The following SP3 variants were observed in gnomAD, a reference collection of about 807,000 sequenced individuals.
The protein encoded by SP3 is transcription factor Sp3.
SP3 carries 10 observed loss-of-function variants against 70.3 expected under a neutral mutation model. The ratio of observed to expected loss-of-function variants is 0.14; its 90% CI spans 0.09 to 0.24. The LOEUF is 0.24. Ranked by LOEUF, SP3 falls within the 10% of genes least tolerant of loss-of-function variation. The probability of loss-of-function intolerance (pLI) is 1.00; values close to 1 mark genes in which losing one functional copy is unlikely to be tolerated. For missense variants in SP3, 825 were observed against 914.6 expected, an observed-to-expected ratio of 0.90 and a Z score of 1.26; for synonymous variants, 402 against 333.5, an observed-to-expected ratio of 1.21 and a Z score of -2.24.
chr2:173,945,074 A>G (rs2105486933), intron 4 of SP3, among the ~76,000 whole-genome samples: 1 of 152,370 alleles, frequency 6.6e-6, no homozygotes, highest in Middle Eastern at 3.4e-3. Flanking sequence ...AATGGTTATA[A>G]TATTTACTAA....
rs1691170948 is a variant in SP3 at position 173,963,857 on chromosome 2, C to A, written c.183G>T (p.Leu61=). 1 of 1,507,700 alleles carries A rather than the reference C, an allele frequency of 6.6e-7. No individual in the cohort carries two copies. Among genetic ancestry groups the A allele is most frequent in the Non-Finnish European group, 8.9e-7 (1 of 1,125,432 alleles). 93.4% of individuals were successfully genotyped at this position (1,507,700 alleles called of 1,614,324 possible). ...AQDTQPSPLA[L]LAATCSKIGP... ...CTATCTTGCTGCAGGTAGCGGCCAG[C>A]AGAGCGAGCGGTGACGGCTGAGTGT... The change falls in exon 3 of 7, where the codon CTG becomes CTT. Residue 61 remains leucine, a synonymous_variant. Coordinates refer to ENST00000310015, the MANE Select transcript of SP3 (RefSeq NM_003111.5).
chr2:173,942,331 C>T (rs1038050960), intron 4 of SP3, among the ~76,000 whole-genome samples: 4 of 152,114 alleles, frequency 2.6e-5, no homozygotes, highest in Non-Finnish European at 5.9e-5. Context: ...TTTGGGAGGC[C>T]GAGGCAGGTG....
chr2:173,951,470 CA>C (rs1311488658), intron 4 of SP3, among the ~76,000 whole-genome samples: 1 of 151,960 alleles, frequency 6.6e-6, no homozygotes, highest in Non-Finnish European at 1.5e-5. Context: ...TTCAAAACAA[CA>C]AAAAAAGTTT....
rs935136826 is a variant in SP3 at position 173,965,362 on chromosome 2, G to T, written c.-191C>A. On this transcript the variant is annotated 5_prime_UTR_variant, in exon 1 of 7. Transcript: ENST00000310015. Reference sequence around the variant, plus strand: ...GTGGAGCCTCCAGCCCAAAAGGGGGGAAGAGGGTGACAGCCCGCCCGGAAC... The same window carrying T: ...GTGGAGCCTCCAGCCCAAAAGGGGGTAAGAGGGTGACAGCCCGCCCGGAAC... The T allele has an allele frequency of 4.7e-6, 3 of 639,690 alleles. No homozygotes were observed. The highest frequency in any genetic ancestry group is 8.1e-6 in the Non-Finnish European group (3 of 372,552). The allele number at this position is 639,690 out of a possible 1,614,324, so 39.6% of individuals were successfully genotyped here. A position where few individuals can be genotyped will look rare whatever the true frequency, so the allele number is the denominator to read the frequency against.
chr2:173,920,827 G>C lies in SP3; in HGVS notation c.1640-2042C>G, dbSNP rs113716713. ...GCTGGTCTCGAACTCCTGACCTCAA[G>C]TGATCCACCCACCTCAGCCTCCCAA... On this transcript the variant is annotated intron_variant, in intron 4 of 6. Transcript: ENST00000310015. Among the ~76,000 whole-genome samples the C allele has an allele frequency of 1.1e-3, 168 of 152,126 alleles. 3 individuals are homozygous for C. The highest frequency in any genetic ancestry group is 3.9e-3 in the African/African-American group (160 of 41,480).
intron 3 of SP3, among the ~76,000 whole-genome samples, chr2:173,959,899 C>G (rs73030150): frequency 0.033 from 5,003 of 152,348 alleles, 143 homozygotes; most frequent in Admixed American, 0.1. Context: ...GTGTTTCTCT[C>G]AGTACCTTTC....
chr2:173,930,427 G>A (rs562859871), intron 4 of SP3, among the ~76,000 whole-genome samples: 4 of 152,220 alleles, frequency 2.6e-5, no homozygotes, highest in South Asian at 2.1e-4. Context: ...AAAAAAAGGT[G>A]CAGCAGTAAT....
At chr2:173,961,567 G>A (rs1395237445) in intron 3 of SP3, among the ~76,000 whole-genome samples, 1 of 152,168 alleles carries the variant, frequency 6.6e-6, no homozygotes, top group Non-Finnish European at 1.5e-5. Context: ...TTGGACAAAT[G>A]TATCATCATT....
At chr2:173,939,521 T>C (rs778343628) in intron 4 of SP3, among the ~76,000 whole-genome samples, 5 of 152,210 alleles carry the variant, frequency 3.3e-5, no homozygotes, top group Middle Eastern at 6.8e-3. Flanking sequence ...CCCAGCACTT[T>C]GGGAGGCCGA....
rs1488792065 is a variant in SP3, at chr2:173,908,893, C to T, written c.*1048G>A. 1 of 149,792 alleles carries T rather than the reference C, an allele frequency of 6.7e-6. No homozygotes were observed. The highest frequency in any genetic ancestry group is 1.5e-5 in the Non-Finnish European group (1 of 67,326). The allele number at this position is 149,792 out of a possible 1,614,324, so 9.3% of individuals were successfully genotyped here. A position where few individuals can be genotyped will look rare whatever the true frequency, so the allele number is the denominator to read the frequency against. On this transcript the variant is annotated 3_prime_UTR_variant, in exon 7 of 7. Coordinates refer to ENST00000310015, the MANE Select transcript of SP3 (RefSeq NM_003111.5). ...AAGGAAAATGATTGATATTTAAGTG[C>T]AGACTGACTACCTAGACAAAAAAAA...
At chr2:173,930,639 C>T (rs1303460507) in intron 4 of SP3, among the ~76,000 whole-genome samples, 1 of 152,192 alleles carries the variant, frequency 6.6e-6, no homozygotes, top group Non-Finnish European at 1.5e-5. Context: ...ACTTGCCTTC[C>T]AAGTTACTGC....
intron 4 of SP3, among the ~76,000 whole-genome samples, chr2:173,939,608 A>C (rs578212018): frequency 2.4e-4 from 37 of 151,968 alleles, no homozygotes; most frequent in African/African-American, 8.7e-4. Flanking sequence ...TACTAAAAAT[A>C]CAAAAAATTA....
intron 4 of SP3, among the ~76,000 whole-genome samples, chr2:173,945,656 A>G (rs1376024214): frequency 6.6e-6 from 1 of 152,210 alleles, no homozygotes; most frequent in Non-Finnish European, 1.5e-5. Flanking sequence ...TCCACTGTAC[A>G]CTACTTGTGA....
chr2:173,945,635 TTAA>T (rs1477794273), intron 4 of SP3, among the ~76,000 whole-genome samples: 1 of 152,144 alleles, frequency 6.6e-6, no homozygotes, highest in Non-Finnish European at 1.5e-5. Flanking sequence ...TTCAACTTCC[TTAA>T]TAAAAACTCC....
intron 4 of SP3, among the ~76,000 whole-genome samples, chr2:173,922,981 C>T (rs1689800792): frequency 6.6e-6 from 1 of 152,090 alleles, no homozygotes; most frequent in Admixed American, 6.5e-5. Context: ...TGTAAATCAG[C>T]CTTTATATTC....
chr2:173,932,726 C>T (rs1690100858), intron 4 of SP3, among the ~76,000 whole-genome samples: 1 of 152,142 alleles, frequency 6.6e-6, no homozygotes, highest in Non-Finnish European at 1.5e-5. Flanking sequence ...GGCGCAGTGG[C>T]TCACGCCTGT....
intron 4 of SP3, among the ~76,000 whole-genome samples, chr2:173,933,652 A>ATATT (rs1559098554): frequency 7.1e-6 from 1 of 140,824 alleles, no homozygotes; most frequent in African/African-American, 2.6e-5. Context: ...ATATATATAT[A>ATATT]TATATATATA....
Position 173,957,239 on chromosome 2 carries a change from T to C in SP3, c.280-1007A>G, listed in dbSNP as rs528818170. The stretch of plus-strand genomic sequence containing the variant: ...AACATTTGAACGTAATTTACCAAGA[T>C]GAAATACACACGTGAGTAAACCCAT... On this transcript the variant is annotated intron_variant, in intron 3 of 6. Transcript: ENST00000310015. 5.3e-5 allele frequency among the ~76,000 whole-genome samples: 8 copies of C among 152,230 alleles called. 1 individual carries two copies. In the South Asian group the frequency reaches 1.7e-3, roughly 32 times the overall value.
chr2:173,922,093 T>C (rs751129235), intron 4 of SP3, among the ~76,000 whole-genome samples: 2 of 152,074 alleles, frequency 1.3e-5, no homozygotes, highest in Admixed American at 6.5e-5. Context: ...GATATTTCTA[T>C]ATAGTAATAC....
Sources: allele counts gnomAD v4.1 joint callset (sites outside exome capture counted in the v4.1 genomes callset), GRCh38; gene constraint gnomAD v4.1.1; transcripts MANE v1.5; gene names NCBI Gene and HGNC (gene_info 2026-07-23, HGNC 2026-07-21).